EYA1: variants seen among roughly 807,000 people sequenced by gnomAD.
EYA1 encodes the protein EYA transcriptional coactivator and phosphatase 1.
Under a neutral mutation model 82.0 loss-of-function variants are expected in EYA1, and 16 were observed. The observed-to-expected ratio is 0.20, with a 90% CI of 0.13 to 0.30. The LOEUF (loss-of-function observed/expected upper bound fraction) is 0.30, where lower values mean the gene tolerates loss of function less well. Ranked by LOEUF, EYA1 falls within the 10% of genes least tolerant of loss-of-function variation. EYA1 has a pLI of 1.00. For missense variants in EYA1, 633 were observed against 730.7 expected (o/e 0.87, Z 1.54); for synonymous variants, 261 against 264.4 (o/e 0.99, Z 0.12).
At chr8:71,517,674 T>C (rs61097563) in intron 2 of EYA1, among the ~76,000 whole-genome samples, 13,688 of 149,032 alleles carry the variant, frequency 0.092, 1,445 homozygotes, top group East Asian at 0.49. Flanking sequence ...TCAAGCCCCA[T>C]TGAGTATGTT....
At chr8:71,498,967 G>T (rs1375792708) in intron 2 of EYA1, among the ~76,000 whole-genome samples, 2 of 152,166 alleles carry the variant, frequency 1.3e-5, no homozygotes, top group African/African-American at 4.8e-5. Flanking sequence ...CTAGGTGCTT[G>T]TTCAAATTTA....
chr8:71,292,571 AT>A (rs2128989648), intron 9 of EYA1, among the ~76,000 whole-genome samples: 1 of 152,204 alleles, frequency 6.6e-6, no homozygotes, highest in East Asian at 1.9e-4. Context: ...AGAGAAAGCC[AT>A]TTAATCTGTA....
At chr8:71,369,032 C>CGAAAAAA (rs767396845) in intron 2 of EYA1, among the ~76,000 whole-genome samples, 1 of 112,850 alleles carries the variant, frequency 8.9e-6, no homozygotes, top group Non-Finnish European at 1.7e-5. Flanking sequence ...ACTAAAAATA[C>CGAAAAAA]AAAAAAAAAA....
intron 7 of EYA1, among the ~76,000 whole-genome samples, chr8:71,315,814 C>T (rs189816504): frequency 6.6e-6 from 1 of 152,108 alleles, no homozygotes; most frequent in African/African-American, 2.4e-5. Flanking sequence ...ATCCTTCTAC[C>T]AATAAATGCT....
intron 1 of EYA1, among the ~76,000 whole-genome samples, chr8:71,360,180 C>A (rs531148713): frequency 6.6e-5 from 10 of 152,018 alleles, no homozygotes; most frequent in African/African-American, 2.4e-4. Context: ...TTTTGCAATG[C>A]GTCGTTTAAA....
intron 12 of EYA1, among the ~76,000 whole-genome samples, chr8:71,223,421 AGAG>A (rs1217810255): frequency 6.6e-5 from 10 of 152,320 alleles, no homozygotes; most frequent in African/African-American, 2.4e-4. Context: ...TGTGCTTCAC[AGAG>A]GAGTAAAATA....
rs145130275 is a variant in EYA1 at position 71,247,044 on chromosome 8, CCTA to C, written c.1051-2355_1051-2353del. 2.9e-3 allele frequency among the ~76,000 whole-genome samples: 447 copies of C among 151,640 alleles called. 2 individuals are homozygous for C. Among genetic ancestry groups the C allele is most frequent in the African/African-American group, 0.01 (422 of 41,310 alleles). On this transcript the variant is annotated intron_variant, in intron 11 of 17. Transcript: ENST00000340726. ...CACCTCCCACATCTCTCTAATACTT[CCTA>C]CTGTCTTGGCACCGCCCACATCCCT...
At chr8:71,280,379 A>T (rs1056204244) in intron 9 of EYA1, among the ~76,000 whole-genome samples, 6 of 152,182 alleles carry the variant, frequency 3.9e-5, no homozygotes, top group Non-Finnish European at 8.8e-5. Context: ...GAACACTTAG[A>T]TTTTCTCTGA....
intron 12 of EYA1, among the ~76,000 whole-genome samples, chr8:71,233,580 GA>G (rs1173599624): frequency 2.1e-5 from 3 of 145,418 alleles, no homozygotes; most frequent in Non-Finnish European, 3.0e-5. Flanking sequence ...AAAAAAAAAA[GA>G]AAAAAAAGAA....
chr8:71,301,942 G>A (rs191173928), intron 7 of EYA1, among the ~76,000 whole-genome samples: 205 of 151,826 alleles, frequency 1.4e-3, no homozygotes, highest in African/African-American at 4.6e-3. Flanking sequence ...TCCCTTACAG[G>A]CATATGACTC....
chr8:71,218,086 C>T (rs1364535672), intron 12 of EYA1, among the ~76,000 whole-genome samples: 1 of 152,172 alleles, frequency 6.6e-6, no homozygotes, highest in East Asian at 1.9e-4. Flanking sequence ...AGTCAGGCTC[C>T]AAATACCCCA....
At chr8:71,385,043 T>A (rs1350179741) in intron 2 of EYA1, among the ~76,000 whole-genome samples, 1 of 151,996 alleles carries the variant, frequency 6.6e-6, no homozygotes, top group Admixed American at 6.6e-5. Flanking sequence ...AGCGTCTCAC[T>A]CTGTCACCCA....
chr8:71,266,533 A>G (rs1373435663), intron 11 of EYA1, among the ~76,000 whole-genome samples: 1 of 152,174 alleles, frequency 6.6e-6, no homozygotes, highest in Non-Finnish European at 1.5e-5. Flanking sequence ...TGCATCTTCA[A>G]AAGTCACCTG....
chr8:71,288,730 C>T (rs1818668539), intron 9 of EYA1, among the ~76,000 whole-genome samples: 1 of 152,162 alleles, frequency 6.6e-6, no homozygotes, highest in African/African-American at 2.4e-5. Context: ...GATTTCCAAA[C>T]CAATTCATGC....
chr8:71,438,016 T>C (rs1806132826), intron 2 of EYA1, among the ~76,000 whole-genome samples: 1 of 152,122 alleles, frequency 6.6e-6, no homozygotes, highest in African/African-American at 2.4e-5. Flanking sequence ...AAAACATCTA[T>C]TCTGAATGGG....
At position 71,361,925 on chromosome 8, in the gene EYA1, AG is replaced by A. The variant is rs1307657263; in HGVS notation, c.-334del. 2.9e-5 allele frequency: 29 copies of A among 985,358 alleles called. No homozygotes were observed. The highest frequency in any genetic ancestry group is 2.5e-5 in the Non-Finnish European group (21 of 829,970). 61.0% of individuals were successfully genotyped at this position (985,358 alleles called of 1,614,324 possible). ...GAAACCCGCCACAGTGGACGGCAAC[AG>A]GAAGGCTTAAAGTCGGAAGTGGCAC... is the stretch of plus-strand genomic sequence containing the variant. On this transcript the variant is annotated 5_prime_UTR_variant, in exon 1 of 18. An upstream open reading frame in the 5' UTR loses its in-frame stop. Transcript: ENST00000340726.
chr8:71,281,074 G>C (rs1266059855), intron 9 of EYA1, among the ~76,000 whole-genome samples: 1 of 152,062 alleles, frequency 6.6e-6, no homozygotes, highest in African/African-American at 2.4e-5. Context: ...CCATTAAAAA[G>C]GTCTCTATAT....
intron 2 of EYA1, among the ~76,000 whole-genome samples, chr8:71,473,927 T>A (rs1251991466): frequency 6.6e-6 from 1 of 152,082 alleles, no homozygotes; most frequent in African/African-American, 2.4e-5. Context: ...GAAACCATCA[T>A]TCTCAGCAAA....
At chr8:71,235,005 C>A (rs72654130) in intron 12 of EYA1, among the ~76,000 whole-genome samples, 2 of 152,088 alleles carry the variant, frequency 1.3e-5, no homozygotes, top group Non-Finnish European at 2.9e-5. Context: ...TCTGCTTTCC[C>A]TCCCCACCTA....
Sources: allele counts gnomAD v4.1 joint callset (sites outside exome capture counted in the v4.1 genomes callset), GRCh38; gene constraint gnomAD v4.1.1; transcripts MANE v1.5; gene names NCBI Gene and HGNC (gene_info 2026-07-23, HGNC 2026-07-21).